LOXHD1: variants seen among roughly 807,000 people sequenced by gnomAD.
LOXHD1 encodes the protein lipoxygenase homology PLAT domains 1, also known as lipoxygenase homology domain-containing protein 1.
LOXHD1 carries 205 observed loss-of-function variants against 248.2 expected under a neutral mutation model. That is an observed-to-expected ratio of 0.83 (90% CI 0.74 to 0.93). LOXHD1 has a LOEUF of 0.93. Ranked by LOEUF, LOXHD1 falls within the 40% of genes least tolerant of loss-of-function variation. The pLI is 0.00. For missense variants in LOXHD1, 2,930 were observed against 2,971.6 expected (o/e 0.99, Z 0.33); for synonymous variants, 1,113 against 1,162.8 (o/e 0.96, Z 0.87).
chr18:46,545,790 C>T (rs946127105), intron 22 of LOXHD1, among the ~76,000 whole-genome samples: 8 of 150,710 alleles, frequency 5.3e-5, no homozygotes, highest in Non-Finnish European at 8.9e-5. Flanking sequence ...CCACTACGCC[C>T]GGCTAATTTT....
In LOXHD1 at chr18:46,593,582, A is replaced by C; in HGVS notation, c.1431+18T>G. 1 of 1,551,224 alleles carries C rather than the reference A, an allele frequency of 6.4e-7. No individual in the cohort carries two copies. The highest frequency in any genetic ancestry group is 2.0e-5 in the Admixed American group (1 of 50,976). On this transcript the variant is annotated intron_variant, in intron 10 of 40. Transcript: ENST00000642948. ...CCTTCCTCCTTTCTCCCTCCCATCC[A>C]TCACAATCCTCTCCTACCCTAAACT...
chr18:46,570,034 C>T (rs2037721113), intron 15 of LOXHD1, among the ~76,000 whole-genome samples: 1 of 152,230 alleles, frequency 6.6e-6, no homozygotes, highest in South Asian at 2.1e-4. Flanking sequence ...CCTTTCCAGA[C>T]AGTGTCTAGA....
chr18:46,592,326 C>T (rs1443896150), intron 11 of LOXHD1, among the ~76,000 whole-genome samples, 172 bp downstream of exon 11: 1 of 152,138 alleles, frequency 6.6e-6, no homozygotes, highest in Non-Finnish European at 1.5e-5. Flanking sequence ...GGAAGTCTCT[C>T]CCCATTAGGA....
chr18:46,594,190 G>T, intron 9 of LOXHD1, 141 bp downstream of exon 9: 1 of 1,094,832 alleles, frequency 9.1e-7, no homozygotes, highest in South Asian at 1.6e-5. Flanking sequence ...GCGGGGTTGG[G>T]GGAGCTTTTT....
At position 46,511,745 on chromosome 18, in the gene LOXHD1, C is replaced by A. The variant is rs143769644; in HGVS notation, c.5400-1930G>T. On this transcript the variant is annotated intron_variant, in intron 34 of 40. Coordinates refer to ENST00000642948, the MANE Select transcript of LOXHD1 (RefSeq NM_001384474.1). Reference sequence around the variant, plus strand: ...GGATGGTGTGGGGTCTAAAGCCCACCACGCTGGGCAGCTGCTCAGGCAGTT... The same window carrying A: ...GGATGGTGTGGGGTCTAAAGCCCACAACGCTGGGCAGCTGCTCAGGCAGTT... 2.9e-3 allele frequency among the ~76,000 whole-genome samples: 444 copies of A among 152,310 alleles called. 9 individuals carry two copies. The highest frequency in any genetic ancestry group is 3.2e-3 in the Non-Finnish European group (216 of 68,020).
intron 4 of LOXHD1, among the ~76,000 whole-genome samples, chr18:46,632,237 A>AG (rs1316065382): frequency 1.3e-5 from 2 of 152,148 alleles, no homozygotes; most frequent in African/African-American, 2.4e-5. Flanking sequence ...AGGAGGTGGT[A>AG]GGGGTGGGAT....
intron 33 of LOXHD1, chr18:46,519,166 C>A: frequency 1.1e-6 from 1 of 897,480 alleles, no homozygotes; most frequent in Non-Finnish European, 1.3e-6. Flanking sequence ...TCCTTCTCAC[C>A]AAGTGCCCCT....
At chr18:46,505,794 C>T in intron 37 of LOXHD1, 44 bp downstream of exon 37, 1 of 1,546,384 alleles carries the variant, frequency 6.5e-7, no homozygotes, top group Non-Finnish European at 8.8e-7. Context: ...AGGAAGGGAG[C>T]TGAGGGCTGC....
At chr18:46,647,695 C>T (rs555627169) in intron 2 of LOXHD1, among the ~76,000 whole-genome samples, 6 of 152,314 alleles carry the variant, frequency 3.9e-5, no homozygotes, top group South Asian at 2.1e-4. Flanking sequence ...TAAAATGGGA[C>T]GTTATACCTG....
chr18:46,503,913 C>A (rs1369119774), intron 37 of LOXHD1, among the ~76,000 whole-genome samples: 2 of 152,078 alleles, frequency 1.3e-5, no homozygotes, highest in Non-Finnish European at 2.9e-5. Flanking sequence ...TGGGCCGGCA[C>A]ACAGAACGGT....
At chr18:46,575,580 A>G (rs2037837493) in intron 14 of LOXHD1, among the ~76,000 whole-genome samples, 1 of 152,220 alleles carries the variant, frequency 6.6e-6, no homozygotes, top group African/African-American at 2.4e-5. Context: ...GAGGAGGCGC[A>G]GAGAGAAGGT....
chr18:46,522,088 G>T lies in LOXHD1; in HGVS notation c.5085+13C>A. On this transcript the variant is annotated intron_variant, in intron 32 of 40. Coordinates refer to ENST00000642948, the MANE Select transcript of LOXHD1 (RefSeq NM_001384474.1). ...AGGGTGGTCACTATCATGGGGCCCC[G>T]AGAAGCCAGCACCTCTATTTTCTTG... The T allele has an allele frequency of 6.9e-7, 1 of 1,456,422 alleles. No individual in the cohort carries two copies. The allele number at this position is 1,456,422 out of a possible 1,614,324, so 90.2% of individuals were successfully genotyped here.
chr18:46,628,371 C>G (rs185984296), intron 4 of LOXHD1, among the ~76,000 whole-genome samples: 117 of 152,276 alleles, frequency 7.7e-4, no homozygotes, highest in Middle Eastern at 6.8e-3. Flanking sequence ...CTGGCCCAGC[C>G]CTCCCTACCC....
At chr18:46,621,885 A>G (rs1001778450) in intron 4 of LOXHD1, among the ~76,000 whole-genome samples, 2 of 152,176 alleles carry the variant, frequency 1.3e-5, no homozygotes, top group Non-Finnish European at 2.9e-5. Context: ...GGCAAATAAT[A>G]CTAAATATTC....
chr18:46,652,946 G>T (rs1266286580), intron 1 of LOXHD1, among the ~76,000 whole-genome samples: 2 of 152,194 alleles, frequency 1.3e-5, no homozygotes, highest in Non-Finnish European at 2.9e-5. Flanking sequence ...ACACTGTATG[G>T]TTCCATTTAA....
chr18:46,557,601 C>T, intron 20 of LOXHD1, 112 bp from the exon 21 acceptor site: 4 of 1,264,776 alleles, frequency 3.2e-6, no homozygotes, highest in Non-Finnish European at 3.3e-6. Context: ...ATGGTGAGAC[C>T]CAAAGCAACC....
intron 27 of LOXHD1, chr18:46,533,771 T>C (rs1445820795): frequency 1.0e-5 from 3 of 290,334 alleles, no homozygotes; most frequent in South Asian, 5.8e-5. Flanking sequence ...TAACAAAATA[T>C]AAAAATTAGT....
Position 46,593,598 on chromosome 18 carries a change from A to G in LOXHD1, c.1431+2T>C, listed in dbSNP as rs1456597732. The stretch of plus-strand genomic sequence containing the variant: ...CTCCCATCCATCACAATCCTCTCCT[A>G]CCCTAAACTTCTCGATTATGCCGGG... On this transcript the variant is annotated splice_donor_variant, in intron 10 of 40. Coordinates refer to ENST00000642948, the MANE Select transcript of LOXHD1 (RefSeq NM_001384474.1). LOFTEE classifies it high-confidence loss of function. The G allele has an allele frequency of 3.2e-6, 5 of 1,551,788 alleles. No individual in the cohort carries two copies. The highest frequency in any genetic ancestry group is 4.4e-6 in the Non-Finnish European group (5 of 1,147,002).
chr18:46,603,214 GA>G (rs776683272), intron 7 of LOXHD1, among the ~76,000 whole-genome samples: 42 of 152,234 alleles, frequency 2.8e-4, no homozygotes, highest in Non-Finnish European at 4.7e-4. Context: ...AGAAAGAAGA[GA>G]AAAGACTTTT....
Sources: gnomAD v4.1 joint callset for allele counts (sites outside exome capture counted in the v4.1 genomes callset) on GRCh38, gnomAD v4.1.1 for gene constraint, MANE v1.5 for transcripts, NCBI Gene and HGNC (gene_info 2026-07-23, HGNC 2026-07-21) for gene names.